NFRKB: variants seen among roughly 807,000 people sequenced by gnomAD.
The protein encoded by NFRKB is nuclear factor related to kappa-B-binding protein.
In NFRKB, 62 loss-of-function variants were observed where a neutral mutation model predicts 135.7. That is an observed-to-expected ratio of 0.46 (90% confidence interval 0.37 to 0.56). NFRKB has a LOEUF of 0.56. Among genes scored for constraint, NFRKB ranks in the 20% least tolerant of loss-of-function variants. The pLI is 0.00. For synonymous variants in NFRKB, 678 were observed against 635.6 expected (o/e 1.07, Z -1.00); for missense variants, 1,545 against 1,662.0 (o/e 0.93, Z 1.22).
Position 129,888,671 on chromosome 11 carries a change from T to A in NFRKB, c.260A>T (p.Glu87Val). The A allele has an allele frequency of 6.2e-7, 1 of 1,614,208 alleles. No individual in the cohort carries two copies. Among genetic ancestry groups the A allele is most frequent in the African/African-American group, 1.3e-5 (1 of 75,052 alleles). Residue 87 changes from glutamate to valine, a missense_variant, in exon 4 of 27, where the codon GAA (glutamate) becomes GTA (valine). This residue lies in a region of NFRKB where 678 missense variants were observed against 646.7 expected (regional missense o/e 1.05). Coordinates refer to ENST00000682444, the MANE Select transcript of NFRKB (RefSeq NM_001143835.2). ...CCCACTGAACAAGGCTAAGATGAGT[T>A]CATTCTGCTGCTCAGCACTGTCTTC... ...FPEDSAEQQN[E>V]LILALFSGEN...
At chr11:129,890,790 C>A (rs1376221782) in intron 3 of NFRKB, among the ~76,000 whole-genome samples, 1 of 152,112 alleles carries the variant, frequency 6.6e-6, no homozygotes, top group African/African-American at 2.4e-5. Context: ...AGCTGGCATC[C>A]CATCCCAGGG....
intron 23 of NFRKB, among the ~76,000 whole-genome samples, chr11:129,872,409 C>A (rs58193479): frequency 1.3e-5 from 2 of 152,184 alleles, no homozygotes; most frequent in Admixed American, 6.5e-5. Context: ...GAAGATTAGA[C>A]TATTTAACAA....
At chr11:129,881,672 A>C (rs1295922292) in intron 12 of NFRKB, 55 bp downstream of exon 12, 8 of 1,596,388 alleles carry the variant, frequency 5.0e-6, no homozygotes, top group Non-Finnish European at 6.8e-6. Context: ...TTATTCTAAT[A>C]ATTAATTAGA....
chr11:129,884,988 C>T, intron 6 of NFRKB, 142 bp from the exon 7 acceptor site: 1 of 1,257,276 alleles, frequency 8.0e-7, no homozygotes, highest in Non-Finnish European at 1.1e-6. Flanking sequence ...GACCCTACCC[C>T]AGAGGAGCTG....
At chr11:129,893,304 G>T (rs1448434884) in intron 2 of NFRKB, 2 of 451,524 alleles carry the variant, frequency 4.4e-6, no homozygotes, top group South Asian at 1.6e-5. Flanking sequence ...TACAATCTCA[G>T]TACTTTGGGA....
At chr11:129,878,433 G>A in intron 14 of NFRKB, 31 bp downstream of exon 14, 3 of 1,612,544 alleles carry the variant, frequency 1.9e-6, no homozygotes, top group Non-Finnish European at 2.5e-6. Flanking sequence ...AACCCAGTGA[G>A]AAGGATCTGG....
rs1470073224 is a variant in NFRKB, at chr11:129,864,682, C to A, written c.*43G>T. On this transcript the variant is annotated 3_prime_UTR_variant, in exon 27 of 27. Transcript: ENST00000682444. ...CTCCCTGGTCCCTTCTCAGCCAGGA[C>A]AGACCAGGCATGGTCTTTCACGGAA... 2 of 1,612,856 alleles carry A rather than the reference C, an allele frequency of 1.2e-6. No homozygotes were observed. The highest frequency in any genetic ancestry group is 1.1e-5 in the South Asian group (1 of 90,994).
At chr11:129,879,794 G>A (rs188911286) in intron 13 of NFRKB, among the ~76,000 whole-genome samples, 14 of 152,140 alleles carry the variant, frequency 9.2e-5, no homozygotes, top group African/African-American at 3.4e-4. Flanking sequence ...CCACACACAT[G>A]CCAACACTCT....
chr11:129,886,672 T>A (rs1242847911), intron 4 of NFRKB, among the ~76,000 whole-genome samples: 1 of 152,188 alleles, frequency 6.6e-6, no homozygotes. Context: ...AATGCAACTG[T>A]CTTCAGCAGC....
At chr11:129,881,386 TA>T in intron 13 of NFRKB, 56 bp downstream of exon 13, 1 of 1,546,878 alleles carries the variant, frequency 6.5e-7, no homozygotes, top group Non-Finnish European at 8.9e-7. Context: ...CAAATAAACT[TA>T]GGGGAAGAAA....
At chr11:129,876,492 T>C (rs1948771184) in intron 17 of NFRKB, among the ~76,000 whole-genome samples, 2 of 152,196 alleles carry the variant, frequency 1.3e-5, no homozygotes, top group Non-Finnish European at 2.9e-5. Context: ...TTAGCTGGTC[T>C]GGGAGCAACT....
chr11:129,894,327 A>G (rs1259120349), intron 2 of NFRKB, 32 bp downstream of exon 2: 1 of 152,252 alleles, frequency 6.6e-6, no homozygotes, highest in Non-Finnish European at 1.5e-5. Context: ...CATATTCCAC[A>G]TTCCACAAAC....
chr11:129,881,944 C>A (rs1025930320), intron 11 of NFRKB, 91 bp from the exon 12 acceptor site: 17 of 1,516,760 alleles, frequency 1.1e-5, no homozygotes, highest in Non-Finnish European at 1.5e-5. Context: ...GTATATGCAT[C>A]CGGTGTTTGT....
At position 129,864,808 on chromosome 11, in the gene NFRKB, T is replaced by C. The variant is rs1186583933; in HGVS notation, c.3817A>G (p.Thr1273Ala). The change falls in exon 27 of 27, where the codon ACA (threonine) becomes GCA (alanine). Residue 1273 changes from threonine to alanine, a missense_variant. Thr to Ala is a moderately conservative substitution (Grantham distance 58). This residue lies in a region of NFRKB where 753 missense variants were observed against 804.3 expected (regional missense o/e 0.94). Coordinates refer to ENST00000682444, the MANE Select transcript of NFRKB (RefSeq NM_001143835.2). ...ACTGCTTTGGAGGAGCCAGAAGCTG[T>C]TCCCTGTTGGAGATGGGATGCAGGG... ...TVPASHLQQG[T>A]ASGSSKAVST... 1 of 1,614,082 alleles carries C rather than the reference T, an allele frequency of 6.2e-7. No homozygotes were observed. The highest frequency in any genetic ancestry group is 8.5e-7 in the Non-Finnish European group (1 of 1,180,036).
At position 129,870,012 on chromosome 11, in the gene NFRKB, C is replaced by T. The variant is rs371270931; in HGVS notation, c.3013G>A (p.Gly1005Ser). The T allele has an allele frequency of 3.0e-5, 49 of 1,614,136 alleles. No individual in the cohort carries two copies. Among genetic ancestry groups the T allele is most frequent in the Non-Finnish European group, 4.1e-5 (48 of 1,180,050 alleles). ...FGTGGNTTGK[G>S]ISATLHVTSN... ...GTGACGTGTAAGGTGGCAGAGATGC[C>T]TTTGCCTGTAGTGTTGCCTCCTGTC... The change falls in exon 24 of 27, where the codon GGC (glycine) becomes AGC (serine). Residue 1005 changes from glycine (G) to serine (S), a missense_variant. Physicochemically the swap from Gly to Ser is moderately conservative, Grantham distance 56 (BLOSUM62 0). Around this residue, in one of 3 missense-constraint regions of NFRKB, gnomAD observed 753 missense variants for 804.3 expected, o/e 0.94. Coordinates refer to ENST00000682444, the MANE Select transcript of NFRKB (RefSeq NM_001143835.2).
chr11:129,875,365 T>C lies in NFRKB; in HGVS notation c.1846A>G (p.Ser616Gly). 1 of 1,611,496 alleles carries C rather than the reference T, an allele frequency of 6.2e-7. No homozygotes were observed. Residue 616 changes from serine to glycine, a missense_variant, in exon 18 of 27, where the codon AGC (serine) becomes GGC (glycine). Physicochemically the swap from Ser to Gly is moderately conservative, Grantham distance 56. Coordinates refer to ENST00000682444, the MANE Select transcript of NFRKB (RefSeq NM_001143835.2). ...TCTCTTCTCCGTCCTACCTGAGTGC[T>C]GGTGACATCTGGTGCAAGAAACTGG... ...DSQFLAPDVT[S>G]TQVNTVVSGA...
At position 129,892,839 on chromosome 11, in the gene NFRKB, A is replaced by G; in HGVS notation, c.11T>C (p.Leu4Ser). The G allele has an allele frequency of 6.2e-7, 1 of 1,614,206 alleles. No individual in the cohort carries two copies. Among genetic ancestry groups the G allele is most frequent in the Non-Finnish European group, 8.5e-7 (1 of 1,180,032 alleles). The change falls in exon 3 of 27, where the codon TTA becomes TCA. Residue 4 changes from leucine (L) to serine (S), a missense_variant. Around this residue, in one of 3 missense-constraint regions of NFRKB, gnomAD observed 678 missense variants for 646.7 expected, o/e 1.05. Coordinates refer to ENST00000682444, the MANE Select transcript of NFRKB (RefSeq NM_001143835.2). ...CAGAGGATCTGTCAGCATATGGTCT[A>G]AGGAATCCATTGTTTCTTCTCCACA... Reference protein sequence around the residue: MDSLDHMLTDPLEL... With the variant: MDSSDHMLTDPLEL...
chr11:129,882,997 G>T, intron 9 of NFRKB, 125 bp downstream of exon 9: 1 of 775,660 alleles, frequency 1.3e-6, no homozygotes, highest in Admixed American at 2.6e-5. Context: ...TAGCCTGTAA[G>T]AGGTAATAAT....
At chr11:129,868,596 C>T (rs1948326421) in intron 24 of NFRKB, among the ~76,000 whole-genome samples, 1 of 152,206 alleles carries the variant, frequency 6.6e-6, no homozygotes, top group African/African-American at 2.4e-5. Context: ...CACATAAGCC[C>T]AGACACATTC....
Sources: allele counts gnomAD v4.1 joint callset (sites outside exome capture counted in the v4.1 genomes callset), GRCh38; gene constraint gnomAD v4.1.1; regional missense constraint gnomAD v4.1.1; transcripts MANE v1.5; gene names NCBI Gene and HGNC (gene_info 2026-07-23, HGNC 2026-07-21).